ODR4: variants seen among roughly 807,000 people sequenced by gnomAD.
ODR4 encodes odr-4 GPCR localization factor homolog, also known as protein odr-4 homolog.
A neutral mutation model predicts 60.2 loss-of-function variants in ODR4; 47 were observed. That is an observed-to-expected ratio of 0.78 (90% confidence interval 0.62 to 1.00). The LOEUF (loss-of-function observed/expected upper bound fraction) is 1.00. Among genes scored for constraint, ODR4 ranks in the 50% least tolerant of loss-of-function variants. The pLI, the probability that ODR4 is intolerant of heterozygous loss-of-function variation, is 0.00. For synonymous variants in ODR4, 178 were observed against 175.5 expected (o/e 1.01, Z -0.11); for missense variants, 488 against 530.8 (o/e 0.92, Z 0.79).
chr1:186,392,655 A>G (rs991597130), intron 8 of ODR4, among the ~76,000 whole-genome samples: 2 of 151,884 alleles, frequency 1.3e-5, no homozygotes, highest in African/African-American at 4.8e-5. Context: ...TGTGTCTACT[A>G]AAAATACAAA....
At chr1:186,422,287 A>G (rs1661806605), downstream of ODR4, among the ~76,000 whole-genome samples, 1 of 152,306 alleles carries the variant, frequency 6.6e-6, no homozygotes, top group African/African-American at 2.4e-5. Context: ...GGTCTATATA[A>G]TAATTTTCAG....
the ODR4 span, among the ~76,000 whole-genome samples, chr1:186,431,865 G>A: frequency 7.1e-3 from 1,085 of 152,272 alleles, 17 homozygotes; most frequent in African/African-American, 0.024. Flanking sequence ...GGATGGTGTA[G>A]TAGAGTATTA....
chr1:186,422,185 C>T (rs1661802228), downstream of ODR4, among the ~76,000 whole-genome samples: 1 of 151,560 alleles, frequency 6.6e-6, no homozygotes, highest in Non-Finnish European at 1.5e-5. Flanking sequence ...ATACTAAAAA[C>T]TTGTGTAGCT....
Position 186,402,566 on chromosome 1 carries a change from A to AT in ODR4, c.1001-3503dup, listed in dbSNP as rs1002819900. On this transcript the variant is annotated intron_variant, in intron 11 of 13. Transcript: ENST00000287859. ...AGGCAAGGGCCACCACGCCTGGCTA[A>AT]TTTTTTTTTTTTTTAACTTTTTTGT... is the stretch of plus-strand genomic sequence containing the variant. Among the ~76,000 whole-genome samples the AT allele has an allele frequency of 9.4e-3, 1,330 of 142,134 alleles. 10 individuals carry two copies. The highest frequency in any genetic ancestry group is 0.021 in the South Asian group (94 of 4,462). The allele number at this position is 142,134 out of a possible 152,430, so 93.2% of individuals were successfully genotyped here. A position where few individuals can be genotyped will look rare whatever the true frequency, so the allele number is the denominator to read the frequency against.
intron 9 of ODR4, among the ~76,000 whole-genome samples, chr1:186,395,548 G>A (rs938902930): frequency 5.3e-5 from 8 of 152,136 alleles, no homozygotes; most frequent in Non-Finnish European, 1.2e-4. Context: ...TTCCTTATTT[G>A]TAGTATTAAG....
Position 186,383,044 on chromosome 1 carries a change from T to C in ODR4, c.122T>C (p.Val41Ala). ...AAGTGTTCGTCACAAAAGGATTATG[T>C]GATTCTTGCCACTAGAACGCCACCC... ...IGQCSSQKDY[V>A]ILATRTPPKE... The change falls in exon 3 of 14, where the codon GTG becomes GCG. Residue 41 changes from valine (V) to alanine (A), a missense_variant. Physicochemically the swap from Val to Ala is moderately conservative, Grantham distance 64 (BLOSUM62 0). Transcript: ENST00000287859. The C allele has an allele frequency of 6.3e-7, 1 of 1,584,402 alleles. No homozygotes were observed. The highest frequency in any genetic ancestry group is 8.6e-7 in the Non-Finnish European group (1 of 1,164,222).
At chr1:186,434,435 TC>T in the ODR4 span, among the ~76,000 whole-genome samples, 4 of 152,190 alleles carry the variant, frequency 2.6e-5, no homozygotes, top group Non-Finnish European at 5.9e-5. Context: ...AATGATTGCC[TC>T]TTTAAATTCT....
rs867530220 is a variant in ODR4, at chr1:186,419,827, T to C, written c.*751T>C. ...TTTCTACCAAATGAGACAACAACTT[T>C]AGGATAAGTTCATCCTCTAGGAGCT... On this transcript the variant is annotated 3_prime_UTR_variant, in exon 14 of 14. Transcript: ENST00000287859. The C allele has an allele frequency of 6.6e-6, 1 of 152,348 alleles. No individual in the cohort carries two copies. The highest frequency in any genetic ancestry group is 2.4e-5 in the African/African-American group (1 of 41,588). The allele number at this position is 152,348 out of a possible 1,614,324, so 9.4% of individuals were successfully genotyped here.
intron 2 of ODR4, among the ~76,000 whole-genome samples, chr1:186,381,397 G>C (rs1392936012): frequency 6.6e-6 from 1 of 151,546 alleles, no homozygotes; most frequent in Non-Finnish European, 1.5e-5. Flanking sequence ...CGCAATCTCG[G>C]CTCACTGCAG....
In ODR4 at chr1:186,394,688, A is replaced by G. The variant is rs1452070206; in HGVS notation, c.780+673A>G. On this transcript the variant is annotated intron_variant, in intron 9 of 13. Transcript: ENST00000287859. The stretch of plus-strand genomic sequence containing the variant: ...TGGATTTTGAAACAGAAATACTCTC[A>G]GGACTTGTGTTTTTTTGAACTGAAT... Among the ~76,000 whole-genome samples the G allele has an allele frequency of 2.0e-5, 3 of 152,302 alleles. No individual in the cohort carries two copies. The East Asian group carries it at 5.8e-4, about 29-fold the overall frequency.
intron 11 of ODR4, among the ~76,000 whole-genome samples, chr1:186,402,341 C>CTACTT (rs1383950838): frequency 2.7e-5 from 4 of 148,974 alleles, no homozygotes; most frequent in African/African-American, 9.9e-5. Flanking sequence ...TCTACTTCCT[C>CTACTT]TCCTTTCCTT....
chr1:186,432,751 A>G, the ODR4 span, among the ~76,000 whole-genome samples: 4 of 150,168 alleles, frequency 2.7e-5, no homozygotes, highest in Non-Finnish European at 3.0e-5. Context: ...TGCTTTTCTC[A>G]TAGCCACCAC....
intron 7 of ODR4, among the ~76,000 whole-genome samples, chr1:186,391,346 CTTTTTT>C (rs34047963): frequency 7.1e-6 from 1 of 140,232 alleles, no homozygotes; most frequent in Non-Finnish European, 1.6e-5. Context: ...TCAAATAGAG[CTTTTTT>C]TTTTTATTTT....
downstream of ODR4, among the ~76,000 whole-genome samples, chr1:186,424,405 AAC>A (rs1440086094): frequency 6.6e-6 from 1 of 152,226 alleles, no homozygotes; most frequent in African/African-American, 2.4e-5. Flanking sequence ...GGCAAGGTGT[AAC>A]ACATGAATAC....
intron 12 of ODR4, among the ~76,000 whole-genome samples, chr1:186,409,704 C>T (rs1661300256): frequency 6.6e-6 from 1 of 152,050 alleles, no homozygotes; most frequent in Admixed American, 6.5e-5. Flanking sequence ...TGCCACCAAG[C>T]CCAGCTAATT....
intron 3 of ODR4, among the ~76,000 whole-genome samples, chr1:186,384,834 A>G (rs373361457): frequency 2.6e-5 from 4 of 152,144 alleles, no homozygotes; most frequent in Non-Finnish European, 4.4e-5. Flanking sequence ...AATCAGAGGA[A>G]AACACCGAAA....
In ODR4 at chr1:186,419,001, A is replaced by C. The variant is rs777853602; in HGVS notation, c.1298-8A>C. 1.9e-6 allele frequency: 3 copies of C among 1,599,994 alleles called. No individual in the cohort carries two copies. The highest frequency in any genetic ancestry group is 2.6e-6 in the Non-Finnish European group (3 of 1,172,554). ...TTTTCATTTGTTCTGTGTTTGTTTT[A>C]CTTTTAGGTGTGATTGCAGCATTTA... On this transcript the variant is annotated splice_polypyrimidine_tract_variant and splice_region_variant and intron_variant, in intron 13 of 13. Coordinates refer to ENST00000287859, the MANE Select transcript of ODR4 (RefSeq NM_017847.6).
chr1:186,394,206 A>G (rs1660582634), intron 9 of ODR4, among the ~76,000 whole-genome samples, 191 bp downstream of exon 9: 2 of 152,146 alleles, frequency 1.3e-5, no homozygotes, highest in Admixed American at 1.3e-4. Flanking sequence ...TTTTTGCCTC[A>G]AGGATATTAA....
At chr1:186,398,243 A>G (rs985321941) in intron 9 of ODR4, 70 bp from the exon 10 acceptor site, 2 of 1,352,974 alleles carry the variant, frequency 1.5e-6, no homozygotes, top group Non-Finnish European at 2.0e-6. Flanking sequence ...AATCGCTAAT[A>G]TAATGTTTAA....
Sources: gnomAD v4.1 joint callset for allele counts (sites outside exome capture counted in the v4.1 genomes callset) on GRCh38, gnomAD v4.1.1 for gene constraint, MANE v1.5 for transcripts, NCBI Gene and HGNC (gene_info 2026-07-23, HGNC 2026-07-21) for gene names.